Variants in TOPBP1 observed in about 807,000 individuals in gnomAD.
The protein encoded by TOPBP1 is DNA topoisomerase 2-binding protein 1.
A neutral mutation model predicts 167.7 loss-of-function variants in TOPBP1; 28 were observed. The observed-to-expected ratio is 0.17, with a 90% CI of 0.12 to 0.23. The LOEUF is 0.23. TOPBP1 is among the 10% of genes least tolerant of loss of function. TOPBP1 has a pLI of 1.00. For missense variants in TOPBP1, 1,554 were observed against 1,809.6 expected (o/e 0.86, Z 2.56); for synonymous variants, 598 against 611.4 (o/e 0.98, Z 0.32).
chr3:133,658,264 C>T (rs750497955), intron 3 of TOPBP1, among the ~76,000 whole-genome samples: 7 of 152,052 alleles, frequency 4.6e-5, no homozygotes, highest in Admixed American at 1.3e-4. Flanking sequence ...GTCAGGAGTT[C>T]GAGACCAGCC....
At chr3:133,659,457 C>T (rs1236563977) in intron 2 of TOPBP1, among the ~76,000 whole-genome samples, 1 of 152,206 alleles carries the variant, frequency 6.6e-6, no homozygotes, top group Non-Finnish European at 1.5e-5. Flanking sequence ...TTCAAGACAA[C>T]ACAGTCTGGT....
In TOPBP1 at chr3:133,645,479, C is replaced by T. The variant is rs114657315; in HGVS notation, c.1505-1116G>A. ...GGTGAGGCAATACTATAAAACATTCCGGAAAGTTTTTTAAACAGTTTTGTT... is the reference window on the plus strand; with the variant it reads ...GGTGAGGCAATACTATAAAACATTCTGGAAAGTTTTTTAAACAGTTTTGTT... On this transcript the variant is annotated intron_variant, in intron 10 of 27. Transcript: ENST00000260810. Among the ~76,000 whole-genome samples the T allele has an allele frequency of 2.6e-3, 392 of 152,106 alleles. 6 individuals carry two copies. The highest frequency in any genetic ancestry group is 2.8e-3 in the Non-Finnish European group (190 of 67,986).
At chr3:133,601,458 AT>A in intron 27 of TOPBP1, 65 bp from the exon 28 acceptor site, 1 of 1,266,292 alleles carries the variant, frequency 7.9e-7, no homozygotes, top group East Asian at 2.8e-5. Context: ...CTGGTAATAG[AT>A]TTTTTCTTTA....
intron 13 of TOPBP1, 140 bp downstream of exon 13, chr3:133,639,819 T>G: frequency 1.3e-6 from 1 of 742,184 alleles, no homozygotes; most frequent in East Asian, 2.7e-5. Context: ...TCTGTAGACT[T>G]CGAACACTGA....
Position 133,657,882 on chromosome 3 carries a change from A to C in TOPBP1, c.279T>G (p.Cys93Trp), listed in dbSNP as rs369207870. The C allele has an allele frequency of 1.2e-6, 2 of 1,601,364 alleles. No homozygotes were observed. The highest frequency in any genetic ancestry group is 2.7e-5 in the African/African-American group (2 of 73,994). The change falls in exon 4 of 28, where the codon TGT (cysteine) becomes TGG (tryptophan). Residue 93 changes from cysteine to tryptophan, a missense_variant. By Grantham distance (215) the Cys-to-Trp change is radical (BLOSUM62 -2). Around this residue, in one of 3 missense-constraint regions of TOPBP1, gnomAD observed 1,197 missense variants for 1,351.5 expected, o/e 0.89. Coordinates refer to ENST00000260810, the MANE Select transcript of TOPBP1 (RefSeq NM_007027.4). Reference sequence around the variant, plus strand: ...AAACTGGATGTTCGGCTCTTGGGACACATCGCTGGTGGTGCATACAAAATA... The same window carrying C: ...AAACTGGATGTTCGGCTCTTGGGACCCATCGCTGGTGGTGCATACAAAATA... ...VVIFCMHHQR[C>W]VPRAEHPVYN...
Position 133,618,452 on chromosome 3 carries a change from A to T in TOPBP1, c.3372-19T>A, listed in dbSNP as rs748381477. The T allele has an allele frequency of 3.1e-6, 5 of 1,603,696 alleles. No individual in the cohort carries two copies. The highest frequency in any genetic ancestry group is 4.3e-6 in the Non-Finnish European group (5 of 1,172,008). On this transcript the variant is annotated intron_variant, in intron 20 of 27. Coordinates refer to ENST00000260810, the MANE Select transcript of TOPBP1 (RefSeq NM_007027.4). ...AGACTGCCTAAGGAATAGAAGTGAC[A>T]GTTTAAATAAACAGCAATAACAAAT...
chr3:133,612,667 A>C (rs916847457), intron 23 of TOPBP1, 115 bp from the exon 24 acceptor site: 15 of 901,926 alleles, frequency 1.7e-5, no homozygotes, highest in Non-Finnish European at 2.3e-5. Context: ...AAACCATTTA[A>C]ACCAAAAAAA....
intron 10 of TOPBP1, among the ~76,000 whole-genome samples, chr3:133,647,518 G>A (rs908562626): frequency 2.0e-5 from 3 of 152,112 alleles, no homozygotes; most frequent in Admixed American, 6.6e-5. Flanking sequence ...GTTTTGATAG[G>A]TTTAATGTGT....
Position 133,638,246 on chromosome 3 carries a change from GTTTTC to G in TOPBP1, c.2234-89_2234-85del, listed in dbSNP as rs1214505624. 205 of 1,308,624 alleles carry G rather than the reference GTTTTC, an allele frequency of 1.6e-4. 1 individual carries two copies. The highest frequency in any genetic ancestry group is 2.7e-5 in the Non-Finnish European group (26 of 945,930). 81.1% of individuals were successfully genotyped at this position (1,308,624 alleles called of 1,614,324 possible). A position where few individuals can be genotyped will look rare whatever the true frequency, so the allele number is the denominator to read the frequency against. ...TACACAAGAAGTAATATTTTATACT[GTTTTC>G]TTTCCTTTCTTTCTTGCATAACTCC... On this transcript the variant is annotated intron_variant, in intron 13 of 27. Coordinates refer to ENST00000260810, the MANE Select transcript of TOPBP1 (RefSeq NM_007027.4).
rs750318878 is a variant in TOPBP1, at chr3:133,608,976, A to G, written c.4174-14T>C. On this transcript the variant is annotated splice_polypyrimidine_tract_variant and intron_variant, in intron 25 of 27. Transcript: ENST00000260810. ...ACTAAATGCTCCCTACAAATAAAAAACAATCAGTGGTGAAATCATTTGGAA... is the reference window on the plus strand; with the variant it reads ...ACTAAATGCTCCCTACAAATAAAAAGCAATCAGTGGTGAAATCATTTGGAA... 1 of 1,591,740 alleles carries G rather than the reference A, an allele frequency of 6.3e-7. No individual in the cohort carries two copies. Among genetic ancestry groups the G allele is most frequent in the Non-Finnish European group, 8.6e-7 (1 of 1,166,244 alleles).
intron 3 of TOPBP1, among the ~76,000 whole-genome samples, 190 bp downstream of exon 3, chr3:133,658,822 AAAAC>A (rs200458233): frequency 3.0e-3 from 457 of 152,250 alleles, no homozygotes; most frequent in African/African-American, 9.6e-3. Flanking sequence ...AACAAAAACA[AAAAC>A]AAACAAACAA....
rs1934972654 is a variant in TOPBP1 at position 133,618,513 on chromosome 3, G to A, written c.3372-80C>T. ...TAAATCCATAAGTTAGACCATAAAAGTTGTGGCTCACCTTTATATGCCCAC... is the reference window on the plus strand; with the variant it reads ...TAAATCCATAAGTTAGACCATAAAAATTGTGGCTCACCTTTATATGCCCAC... On this transcript the variant is annotated intron_variant, in intron 20 of 27. Coordinates refer to ENST00000260810, the MANE Select transcript of TOPBP1 (RefSeq NM_007027.4). 1.0e-5 allele frequency: 14 copies of A among 1,382,334 alleles called. No homozygotes were observed. In the South Asian group the frequency reaches 1.3e-4, roughly 13 times the overall value. The allele number at this position is 1,382,334 out of a possible 1,614,324, so 85.6% of individuals were successfully genotyped here.
chr3:133,608,815 C>CA, intron 26 of TOPBP1, 58 bp downstream of exon 26: 3 of 1,573,666 alleles, frequency 1.9e-6, no homozygotes, highest in Non-Finnish European at 2.6e-6. Context: ...CTCATCATAG[C>CA]AATCTTGGTT....
At position 133,618,282 on chromosome 3, in the gene TOPBP1, C is replaced by T; in HGVS notation, c.3523G>A (p.Val1175Ile). 5 of 1,613,978 alleles carry T rather than the reference C, an allele frequency of 3.1e-6. No individual in the cohort carries two copies. Among genetic ancestry groups the T allele is most frequent in the Non-Finnish European group, 3.4e-6 (4 of 1,179,870 alleles). ...SCPTQYSELQ[V>I]DIQNLEDSPF... ...GAATCCTCCAAGTTTTGAATGTCAA[C>T]CTGAAGCTCAGAGTATTGTGTGGGA... Residue 1175 changes from valine (V) to isoleucine (I), a missense_variant, in exon 21 of 28, where the codon GTT becomes ATT. Around this residue, in one of 3 missense-constraint regions of TOPBP1, gnomAD observed 351 missense variants for 432.9 expected, o/e 0.81. Coordinates refer to ENST00000260810, the MANE Select transcript of TOPBP1 (RefSeq NM_007027.4).
At chr3:133,613,244 A>C (rs1255915325) in intron 23 of TOPBP1, among the ~76,000 whole-genome samples, 1 of 152,198 alleles carries the variant, frequency 6.6e-6, no homozygotes, top group Non-Finnish European at 1.5e-5. Flanking sequence ...AATATATGGA[A>C]ATTTTCTTAA....
At chr3:133,621,161 A>G (rs191945039) in intron 19 of TOPBP1, among the ~76,000 whole-genome samples, 1 of 152,164 alleles carries the variant, frequency 6.6e-6, no homozygotes, top group Admixed American at 6.5e-5. Context: ...ACAGGTGTAC[A>G]TTACCACGCC....
chr3:133,644,270 T>A lies in TOPBP1; in HGVS notation c.1598A>T (p.Asn533Ile). 6.2e-7 allele frequency: 1 copy of A among 1,613,804 alleles called. No homozygotes were observed. Reference sequence around the variant, plus strand: ...GACACAATGACTGACAGAAGACTGGTTTTCTTCTTGCAAAGAAATGTGAGT... The same window carrying A: ...GACACAATGACTGACAGAAGACTGGATTTCTTCTTGCAAAGAAATGTGAGT... Reference protein sequence around the residue: ...DSTHISLQEENQSSVSHCVPD... With the variant: ...DSTHISLQEEIQSSVSHCVPD... Residue 533 changes from asparagine (N) to isoleucine (I), a missense_variant, in exon 11 of 28, where the codon AAC (asparagine) becomes ATC (isoleucine). Transcript: ENST00000260810.
chr3:133,636,820 C>T (rs1432049058), intron 14 of TOPBP1, among the ~76,000 whole-genome samples: 2 of 152,184 alleles, frequency 1.3e-5, no homozygotes, highest in African/African-American at 4.8e-5. Flanking sequence ...CTTGATCCTA[C>T]ACCTCACAGT....
intron 6 of TOPBP1, among the ~76,000 whole-genome samples, chr3:133,653,771 A>G (rs1404270735): frequency 6.6e-6 from 1 of 151,956 alleles, no homozygotes; most frequent in Non-Finnish European, 1.5e-5. Flanking sequence ...CTAGGATTAC[A>G]GACGTGTGCC....
Sources: gnomAD v4.1 joint callset for allele counts (sites outside exome capture counted in the v4.1 genomes callset) on GRCh38, gnomAD v4.1.1 for gene constraint, gnomAD v4.1.1 regional missense constraint, MANE v1.5 for transcripts, NCBI Gene and HGNC (gene_info 2026-07-23, HGNC 2026-07-21) for gene names.